TRMT11: variants seen among roughly 807,000 people sequenced by gnomAD.
The protein encoded by TRMT11 is tRNA methyltransferase 11.
In TRMT11, 53 loss-of-function variants were observed where a neutral mutation model predicts 62.8. That is an observed-to-expected ratio of 0.84 (90% CI 0.68 to 1.06). TRMT11 has a LOEUF of 1.06. Ranked by LOEUF, TRMT11 falls within the 50% of genes least tolerant of loss-of-function variation. The probability of loss-of-function intolerance (pLI) is 0.00; values close to 1 mark genes in which losing one functional copy is unlikely to be tolerated. For missense variants in TRMT11, 556 were observed against 553.4 expected (o/e 1.00, Z -0.05); for synonymous variants, 188 against 190.3 (o/e 0.99, Z 0.10).
intron 21 of TRMT11, among the ~76,000 whole-genome samples, chr6:126,116,603 G>A (rs1189153869): frequency 6.6e-6 from 1 of 152,028 alleles, no homozygotes. Context: ...CATCCTGTCT[G>A]TTCTTATGTA....
chr6:126,083,271 C>CT (rs1208285265), intron 17 of TRMT11, among the ~76,000 whole-genome samples: 1 of 152,124 alleles, frequency 6.6e-6, no homozygotes, highest in African/African-American at 2.4e-5. Context: ...CAACAGTAGT[C>CT]TCTAACCCTT....
At chr6:125,997,474 A>G (rs1172065669) in intron 3 of TRMT11, among the ~76,000 whole-genome samples, 2 of 152,254 alleles carry the variant, frequency 1.3e-5, no homozygotes, top group Non-Finnish European at 2.9e-5. Context: ...CATTTTGGGT[A>G]AGTTAGTTAC....
the TRMT11 span, among the ~76,000 whole-genome samples, chr6:126,212,399 G>T: frequency 6.6e-6 from 1 of 152,088 alleles, no homozygotes; most frequent in Non-Finnish European, 1.5e-5. Flanking sequence ...CAGTGCAGTA[G>T]GGTTGCCTTT....
chr6:126,093,802 A>G (rs185639359), intron 17 of TRMT11, among the ~76,000 whole-genome samples: 33 of 151,496 alleles, frequency 2.2e-4, no homozygotes, highest in African/African-American at 7.3e-4. Context: ...TATACACTCT[A>G]AAACTAGTAA....
rs141367598 is a variant in TRMT11 at position 126,129,308 on chromosome 6, G to A, written c.*1823+13453G>A. Among the ~76,000 whole-genome samples the A allele has an allele frequency of 7.3e-4, 111 of 152,188 alleles. No individual in the cohort carries two copies. The East Asian group carries it at 0.015, about 20-fold the overall frequency. On this transcript the variant is annotated intron_variant and NMD_transcript_variant, in intron 21 of 22. Coordinates refer to the TRMT11 transcript ENST00000648977. ...TGGGAGATACCTACTTTTTAGTGTT[G>A]TGATTAGGATTAAATGAGTTAATGC...
intron 8 of TRMT11, among the ~76,000 whole-genome samples, chr6:126,010,909 TAC>T (rs1367273015): frequency 2.0e-5 from 3 of 152,114 alleles, no homozygotes; most frequent in Non-Finnish European, 1.5e-5. Flanking sequence ...ATCTGATTCA[TAC>T]TATCTCTACA....
At chr6:126,045,004 G>A (rs1489484137) in intron 16 of TRMT11, among the ~76,000 whole-genome samples, 1 of 151,968 alleles carries the variant, frequency 6.6e-6, no homozygotes, top group African/African-American at 2.4e-5. Context: ...TGGCCAACAT[G>A]GTGAAACCCC....
At chr6:126,013,900 C>T (rs1009960490) in intron 11 of TRMT11, among the ~76,000 whole-genome samples, 2 of 152,188 alleles carry the variant, frequency 1.3e-5, no homozygotes, top group African/African-American at 4.8e-5. Context: ...TAATTTTCAA[C>T]AGCTTAGCTA....
intron 21 of TRMT11, among the ~76,000 whole-genome samples, chr6:126,164,615 T>A (rs1240762946): frequency 6.6e-6 from 1 of 152,178 alleles, no homozygotes; most frequent in Non-Finnish European, 1.5e-5. Flanking sequence ...AGTTGAAGTC[T>A]TTTGTAGGTC....
chr6:126,139,042 A>G (rs980251932), intron 21 of TRMT11, among the ~76,000 whole-genome samples: 1 of 152,058 alleles, frequency 6.6e-6, no homozygotes. Context: ...AGCAAGGTTA[A>G]TTTATGGACC....
intron 21 of TRMT11, among the ~76,000 whole-genome samples, chr6:126,121,506 G>T (rs548787658): frequency 6.4e-4 from 97 of 152,224 alleles, no homozygotes; most frequent in African/African-American, 2.2e-3. Flanking sequence ...GTGTTAGAAA[G>T]AACTGGGTTT....
intron 21 of TRMT11, among the ~76,000 whole-genome samples, chr6:126,170,608 T>C (rs1778319377): frequency 6.6e-6 from 1 of 152,068 alleles, no homozygotes; most frequent in African/African-American, 2.4e-5. Flanking sequence ...GGTTCTCAGA[T>C]GAGGCACACC....
intron 17 of TRMT11, among the ~76,000 whole-genome samples, chr6:126,065,886 C>T (rs1776674663): frequency 6.6e-6 from 1 of 152,072 alleles, no homozygotes; most frequent in Non-Finnish European, 1.5e-5. Context: ...AATAATAGTA[C>T]CTATCGTGAA....
the TRMT11 span, among the ~76,000 whole-genome samples, chr6:126,237,461 C>T: frequency 6.6e-6 from 1 of 152,128 alleles, no homozygotes; most frequent in South Asian, 2.1e-4. Flanking sequence ...GGGAGGATTG[C>T]TTAAGCTCAG....
chr6:126,128,992 T>A (rs1777750817), intron 21 of TRMT11, among the ~76,000 whole-genome samples: 3 of 151,008 alleles, frequency 2.0e-5, no homozygotes, highest in Admixed American at 2.0e-4. Context: ...CTTCCAGAGC[T>A]TATGAGGAGC....
chr6:126,167,888 G>T (rs1778286796), intron 21 of TRMT11, among the ~76,000 whole-genome samples: 1 of 152,212 alleles, frequency 6.6e-6, no homozygotes. Flanking sequence ...TTGGTTTCCA[G>T]CCCTGTCTGG....
intron 17 of TRMT11, among the ~76,000 whole-genome samples, chr6:126,091,815 T>C (rs1777280833): frequency 6.6e-6 from 1 of 152,196 alleles, no homozygotes; most frequent in African/African-American, 2.4e-5. Flanking sequence ...GCCGTGCAGC[T>C]TGATGACACA....
chr6:126,209,597 G>A, the TRMT11 span, among the ~76,000 whole-genome samples: 1 of 151,794 alleles, frequency 6.6e-6, no homozygotes, highest in East Asian at 1.9e-4. Flanking sequence ...ATGGTGGCGG[G>A]CGCCTGTAGT....
chr6:126,182,373 T>C (rs1778477020), intron 1 of TRMT11, among the ~76,000 whole-genome samples: 1 of 151,756 alleles, frequency 6.6e-6, no homozygotes, highest in Non-Finnish European at 1.5e-5. Flanking sequence ...CATTTCTTCT[T>C]TTTTTCCCAC....
Sources: allele counts gnomAD v4.1 joint callset (sites outside exome capture counted in the v4.1 genomes callset), GRCh38; gene constraint gnomAD v4.1.1; transcripts MANE v1.5; gene names NCBI Gene and HGNC (gene_info 2026-07-23, HGNC 2026-07-21).